Variants in SGSM1 observed in about 807,000 individuals in gnomAD.
SGSM1 encodes the protein RUN and TBC1 domain containing 2.
SGSM1 carries 73 observed loss-of-function variants against 133.8 expected under a neutral mutation model. The observed-to-expected ratio is 0.55, with a 90% CI of 0.45 to 0.66. SGSM1 has a LOEUF of 0.66. SGSM1 is among the 30% of genes least tolerant of loss of function. The pLI is 0.00. For missense variants in SGSM1, 1,213 were observed against 1,448.1 expected, an observed-to-expected ratio of 0.84 and a Z score of 2.64; for synonymous variants, 563 against 573.0, an observed-to-expected ratio of 0.98 and a Z score of 0.25.
At chr22:24,871,176 C>G (rs570127401) in intron 12 of SGSM1, among the ~76,000 whole-genome samples, 4 of 152,230 alleles carry the variant, frequency 2.6e-5, no homozygotes, top group African/African-American at 9.6e-5. Flanking sequence ...GTTGTGACAA[C>G]CAGATATGTC....
intron 2 of SGSM1, among the ~76,000 whole-genome samples, chr22:24,810,325 C>T (rs1333275612): frequency 2.0e-5 from 3 of 151,964 alleles, no homozygotes; most frequent in Non-Finnish European, 2.9e-5. Flanking sequence ...GCCTGAGCTC[C>T]TCCAGGGCAA....
At chr22:24,880,594 A>C (rs1932265965) in intron 14 of SGSM1, among the ~76,000 whole-genome samples, 1 of 152,264 alleles carries the variant, frequency 6.6e-6, no homozygotes, top group Non-Finnish European at 1.5e-5. Context: ...CTGGAGAGGC[A>C]GGGAGAGTGT....
chr22:24,844,895 A>G lies in SGSM1; in HGVS notation c.64-2A>G. ...TCCCCTCCGGTCACCTTTGCCTTCC[A>G]GGTGAAGCAGATCATGGAGGAGGCT... is the stretch of plus-strand genomic sequence containing the variant. On this transcript the variant is annotated splice_acceptor_variant, in intron 2 of 24. Transcript: ENST00000400358. LOFTEE classifies it high-confidence loss of function. 1 of 1,613,610 alleles carries G rather than the reference A, an allele frequency of 6.2e-7. No homozygotes were observed. Among genetic ancestry groups the G allele is most frequent in the South Asian group, 1.1e-5 (1 of 91,026 alleles).
At chr22:24,817,995 G>A (rs1283722971) in intron 2 of SGSM1, among the ~76,000 whole-genome samples, 3 of 152,012 alleles carry the variant, frequency 2.0e-5, no homozygotes, top group Admixed American at 2.0e-4. Flanking sequence ...ACTTTGGGAG[G>A]CCGAGGCGGG....
intron 22 of SGSM1, among the ~76,000 whole-genome samples, chr22:24,913,942 G>T (rs1933724700): frequency 6.6e-6 from 1 of 151,890 alleles, no homozygotes; most frequent in African/African-American, 2.4e-5. Context: ...GGATCACGAG[G>T]TCAGGAGATC....
chr22:24,885,231 A>T (rs1373725226), intron 15 of SGSM1, among the ~76,000 whole-genome samples: 3 of 152,140 alleles, frequency 2.0e-5, no homozygotes, highest in Non-Finnish European at 4.4e-5. Flanking sequence ...CGCTGCGCCC[A>T]GCCAAGAAAT....
At chr22:24,877,665 C>A (rs1932090550) in intron 13 of SGSM1, among the ~76,000 whole-genome samples, 1 of 152,008 alleles carries the variant, frequency 6.6e-6, no homozygotes, top group Non-Finnish European at 1.5e-5. Flanking sequence ...GTCCGTGAAC[C>A]AGCATCAGCA....
chr22:24,922,439 C>T (rs1354834148), intron 24 of SGSM1, among the ~76,000 whole-genome samples: 1 of 149,228 alleles, frequency 6.7e-6, no homozygotes, highest in Non-Finnish European at 1.5e-5. Context: ...CTCGGCCTCC[C>T]AAAGATCTGG....
Position 24,901,875 on chromosome 22 carries a change from G to T in SGSM1, c.2653G>T (p.Glu885Ter). Residue 885 changes from glutamate (E) to a stop codon, truncating the protein, a stop_gained, in exon 20 of 25, where the codon GAG (glutamate) becomes TAG (stop). Transcript: ENST00000400358. LOFTEE classifies it high-confidence loss of function. ...DLYTVNLHRI[E>*]KDVQRCDRNY... ...GTACACGGTGAACCTGCACCGCATC[G>T]AGAAGGATGTGCAGAGGTGCGACCG... The T allele has an allele frequency of 1.2e-6, 2 of 1,611,938 alleles. No individual in the cohort carries two copies. Among genetic ancestry groups the T allele is most frequent in the Non-Finnish European group, 1.7e-6 (2 of 1,179,198 alleles).
intron 4 of SGSM1, among the ~76,000 whole-genome samples, chr22:24,849,383 GTC>G (rs1202084869): frequency 6.6e-6 from 1 of 152,102 alleles, no homozygotes; most frequent in African/African-American, 2.4e-5. Context: ...GAGAAACCCT[GTC>G]TCTACTAAAA....
chr22:24,886,539 A>G, intron 15 of SGSM1, 61 bp from the exon 16 acceptor site: 2 of 1,534,544 alleles, frequency 1.3e-6, no homozygotes, highest in Non-Finnish European at 1.8e-6. Flanking sequence ...CCCCATCCCT[A>G]CTAAAACCAC....
intron 5 of SGSM1, among the ~76,000 whole-genome samples, chr22:24,854,194 G>T (rs145898175): frequency 6.6e-6 from 1 of 152,136 alleles, no homozygotes; most frequent in Non-Finnish European, 1.5e-5. Context: ...ATCCCAGGGG[G>T]CATTTTTGAG....
intron 22 of SGSM1, among the ~76,000 whole-genome samples, chr22:24,917,224 T>C (rs1461652142): frequency 6.6e-6 from 1 of 152,074 alleles, no homozygotes; most frequent in Non-Finnish European, 1.5e-5. Context: ...AGAGTGGAAT[T>C]GCTGCATCAT....
At position 24,901,892 on chromosome 22, in the gene SGSM1, G is replaced by A. The variant is rs1423592785; in HGVS notation, c.2670G>A (p.Arg890=). 1.2e-6 allele frequency: 2 copies of A among 1,609,422 alleles called. No individual in the cohort carries two copies. The highest frequency in any genetic ancestry group is 2.7e-5 in the African/African-American group (2 of 74,746). Reference sequence around the variant, plus strand: ...ACCGCATCGAGAAGGATGTGCAGAGGTGCGACCGCAACTACTGGTACTTCA... The same window carrying A: ...ACCGCATCGAGAAGGATGTGCAGAGATGCGACCGCAACTACTGGTACTTCA... ...NLHRIEKDVQ[R]CDRNYWYFTP... The change falls in exon 20 of 25, where the codon AGG becomes AGA. Residue 890 remains arginine, a synonymous_variant. Transcript: ENST00000400358.
chr22:24,879,136 A>T (rs922083550), intron 13 of SGSM1, among the ~76,000 whole-genome samples: 2 of 152,172 alleles, frequency 1.3e-5, no homozygotes, highest in African/African-American at 4.8e-5. Context: ...CCCAGGGCTA[A>T]TTCTCATTGG....
chr22:24,835,207 C>G lies in SGSM1; in HGVS notation c.64-9690C>G, dbSNP rs1929357919. Among the ~76,000 whole-genome samples the G allele has an allele frequency of 3.9e-5, 6 of 152,138 alleles. No homozygotes were observed. In the South Asian group the frequency reaches 1.2e-3, roughly 32 times the overall value. Reference sequence around the variant, plus strand: ...GGTGGGATGCACAGACCAGATGTAACTTGTTCCAGGGCAGCGGGGGTGTCT... The same window carrying G: ...GGTGGGATGCACAGACCAGATGTAAGTTGTTCCAGGGCAGCGGGGGTGTCT... On this transcript the variant is annotated intron_variant, in intron 2 of 24. Coordinates refer to ENST00000400358, the MANE Select transcript of SGSM1 (RefSeq NM_001098497.3).
chr22:24,816,821 G>A (rs780243288), intron 2 of SGSM1, among the ~76,000 whole-genome samples: 13 of 152,176 alleles, frequency 8.5e-5, no homozygotes, highest in Non-Finnish European at 1.6e-4. Context: ...CTCTCTGTGG[G>A]GAGGTAGAGT....
chr22:24,828,618 A>G (rs1286241883), intron 2 of SGSM1, among the ~76,000 whole-genome samples: 2 of 152,194 alleles, frequency 1.3e-5, no homozygotes, highest in African/African-American at 2.4e-5. Flanking sequence ...ATGCTTACAC[A>G]CTTTTGGTGG....
At chr22:24,827,838 A>G (rs1928885911) in intron 2 of SGSM1, among the ~76,000 whole-genome samples, 1 of 152,000 alleles carries the variant, frequency 6.6e-6, no homozygotes, top group South Asian at 2.1e-4. Flanking sequence ...CAGTGACTCC[A>G]CATTCTGGGC....
Sources: gnomAD v4.1 joint callset for allele counts (sites outside exome capture counted in the v4.1 genomes callset) on GRCh38, gnomAD v4.1.1 for gene constraint, MANE v1.5 for transcripts, NCBI Gene and HGNC (gene_info 2026-07-23, HGNC 2026-07-21) for gene names.